Variants in PLA2G6 observed in about 807,000 individuals in gnomAD.
The protein encoded by PLA2G6 is phospholipase A2 group VI, also known as 85/88 kDa calcium-independent phospholipase A2.
A neutral mutation model predicts 83.8 loss-of-function variants in PLA2G6; 62 were observed. The observed-to-expected ratio is 0.74, with a 90% CI of 0.60 to 0.91. The LOEUF is 0.91. Ranked by LOEUF, PLA2G6 falls within the 40% of genes least tolerant of loss-of-function variation. PLA2G6 has a pLI of 0.00. For synonymous variants in PLA2G6, 417 were observed against 449.8 expected, an observed-to-expected ratio of 0.93 and a Z score of 0.92; for missense variants, 944 against 1,102.0, an observed-to-expected ratio of 0.86 and a Z score of 2.03.
intron 10 of PLA2G6, among the ~76,000 whole-genome samples, chr22:38,124,925 G>A (rs1312651672): frequency 6.6e-6 from 1 of 152,196 alleles, no homozygotes; most frequent in East Asian, 1.9e-4. Flanking sequence ...CCCAGAGGGC[G>A]CAGGGCTCTG....
chr22:38,116,996 G>A (rs2087248108), intron 12 of PLA2G6, among the ~76,000 whole-genome samples: 2 of 151,962 alleles, frequency 1.3e-5, no homozygotes, highest in East Asian at 3.9e-4. Flanking sequence ...AACCCCGAGT[G>A]GTCAGTCTCA....
chr22:38,115,966 G>C (rs2087167561), intron 13 of PLA2G6, 109 bp downstream of exon 13: 1 of 1,491,840 alleles, frequency 6.7e-7, no homozygotes, highest in Non-Finnish European at 9.3e-7. Context: ...CAGCGGGTGG[G>C]CTGGTGGCAC....
At position 38,128,484 on chromosome 22, in the gene PLA2G6, A is replaced by G; in HGVS notation, c.1187-54T>C. ...GCACAGGATCAGAAATGATGTCAAC[A>G]TGCAAAGGAGAGGCCCCTCCTTTCC... On this transcript the variant is annotated intron_variant, in intron 8 of 16. Coordinates refer to ENST00000332509, the MANE Select transcript of PLA2G6 (RefSeq NM_003560.4). The surrounding 1 kb of genome is among the most constrained non-coding windows in gnomAD (Gnocchi z 4.4). 6.3e-7 allele frequency: 1 copy of G among 1,590,462 alleles called. No individual in the cohort carries two copies. Among genetic ancestry groups the G allele is most frequent in the South Asian group, 1.1e-5 (1 of 90,106 alleles).
Position 38,132,858 on chromosome 22 carries a change from G to A in PLA2G6, c.1050C>T (p.Gly350=), listed in dbSNP as rs778877518. The change falls in exon 7 of 17, where the codon GGC becomes GGT. Residue 350 remains glycine, a synonymous_variant. Transcript: ENST00000332509. This position sits in a 1 kb window ranked among gnomAD's most constrained non-coding sequence, Gnocchi z 5.0. ...GANADARGEH[G]NTPLHLAMSK... is the part of the protein sequence containing the mutation. ...ACATGGCCAGGTGCAGCGGGGTGTT[G>A]CCGTGCTCTCCGCGGGCATCCGCGT... is the stretch of plus-strand genomic sequence containing the variant. 6.4e-7 allele frequency: 1 copy of A among 1,550,974 alleles called. No homozygotes were observed. Among genetic ancestry groups the A allele is most frequent in the South Asian group, 1.2e-5 (1 of 84,222 alleles).
chr22:38,135,014 G>A lies in PLA2G6; in HGVS notation c.868C>T (p.Pro290Ser), dbSNP rs754964607. 1.9e-6 allele frequency: 3 copies of A among 1,613,462 alleles called. No individual in the cohort carries two copies. The highest frequency in any genetic ancestry group is 1.1e-5 in the South Asian group (1 of 91,076). Residue 290 changes from proline (P) to serine (S), a missense_variant, in exon 6 of 17, where the codon CCC becomes TCC. Transcript: ENST00000332509. ...HSKDPRYGAS[P>S]LHWAKNAEMA... is the part of the protein sequence containing the mutation. ...TCTGCGTTCTTGGCCCAGTGGAGGG[G>A]GCTGGCTCCGTAACGGGGGTCTTTG...
chr22:38,126,733 T>G, intron 9 of PLA2G6: 4 of 471,394 alleles, frequency 8.5e-6, no homozygotes, highest in Non-Finnish European at 7.9e-6. Flanking sequence ...CCTCAATCTC[T>G]TCCTCTTGAA....
Position 38,181,705 on chromosome 22 carries a change from G to T in PLA2G6, c.-87C>A, listed in dbSNP as rs2145986955. The T allele has an allele frequency of 6.6e-6, 1 of 152,372 alleles. No individual in the cohort carries two copies. The highest frequency in any genetic ancestry group is 2.4e-5 in the African/African-American group (1 of 41,574). 9.4% of individuals were successfully genotyped at this position (152,372 alleles called of 1,614,324 possible). A position where few individuals can be genotyped will look rare whatever the true frequency, so the allele number is the denominator to read the frequency against. On this transcript the variant is annotated 5_prime_UTR_variant, in exon 1 of 17. Coordinates refer to ENST00000332509, the MANE Select transcript of PLA2G6 (RefSeq NM_003560.4). ...CGAGGAATATCCAAAGGAGGGTCCG[G>T]CGGAGACTTGGGAGTCCGGAGCGCC...
At chr22:38,139,261 G>C (rs1001563419) in intron 5 of PLA2G6, 1 of 152,228 alleles carries the variant, frequency 6.6e-6, no homozygotes, top group Non-Finnish European at 1.5e-5. Context: ...GGAGGGGCCA[G>C]GTGGGCCTTG....
chr22:38,173,217 C>A (rs2090504281), intron 1 of PLA2G6, among the ~76,000 whole-genome samples: 1 of 152,104 alleles, frequency 6.6e-6, no homozygotes, highest in African/African-American at 2.4e-5. Context: ...GGGCCCCCCG[C>A]ATCATGCCTC....
At chr22:38,167,459 G>A (rs540064203) in intron 2 of PLA2G6, among the ~76,000 whole-genome samples, 20 of 152,242 alleles carry the variant, frequency 1.3e-4, no homozygotes, top group Admixed American at 1.2e-3. Context: ...CCCCAGGGCC[G>A]TGTACCTCAA....
chr22:38,142,594 G>A (rs776543361), intron 4 of PLA2G6: 21 of 204,976 alleles, frequency 1.0e-4, no homozygotes, highest in Admixed American at 1.6e-4. Context: ...ATACATGAAC[G>A]CTAACAACAG....
chr22:38,173,220 C>G (rs939891120), intron 1 of PLA2G6, among the ~76,000 whole-genome samples: 1 of 152,100 alleles, frequency 6.6e-6, no homozygotes, highest in Non-Finnish European at 1.5e-5. Context: ...CCCCCCGCAT[C>G]ATGCCTCACT....
chr22:38,114,498 T>C (rs570713805), intron 14 of PLA2G6, among the ~76,000 whole-genome samples: 1 of 152,304 alleles, frequency 6.6e-6, no homozygotes, highest in Admixed American at 6.5e-5. Context: ...GCCTCTCTTA[T>C]TTGCTTCCGA....
At chr22:38,114,477 G>A (rs1332631419) in intron 14 of PLA2G6, among the ~76,000 whole-genome samples, 6 of 152,302 alleles carry the variant, frequency 3.9e-5, no homozygotes, top group East Asian at 3.9e-4. Context: ...GAGCCGCTGC[G>A]CCCGGCCGCT....
Position 38,111,871 on chromosome 22 carries a change from A to C in PLA2G6, c.*290T>G. The C allele has an allele frequency of 2.1e-6, 1 of 469,284 alleles. No individual in the cohort carries two copies. The highest frequency in any genetic ancestry group is 4.0e-6 in the Non-Finnish European group (1 of 253,104). The allele number at this position is 469,284 out of a possible 1,614,324, so 29.1% of individuals were successfully genotyped here. On this transcript the variant is annotated 3_prime_UTR_variant, in exon 17 of 17. Transcript: ENST00000332509. The stretch of plus-strand genomic sequence containing the variant: ...GGTACGGTTGTGCCCGGGTACCCTT[A>C]ATGTTTGAGCTGATGGGGGAGTCAG...
chr22:38,121,081 G>A (rs1380835412), intron 11 of PLA2G6, 172 bp from the exon 12 acceptor site: 3 of 644,626 alleles, frequency 4.7e-6, no homozygotes, highest in African/African-American at 3.7e-5. Flanking sequence ...GACAGACAGA[G>A]AGAAACCTCC....
At chr22:38,158,534 A>G (rs2089884916) in intron 2 of PLA2G6, among the ~76,000 whole-genome samples, 1 of 152,238 alleles carries the variant, frequency 6.6e-6, no homozygotes, top group African/African-American at 2.4e-5. Context: ...ATTTACATAT[A>G]TCTTGCTTAA....
chr22:38,171,005 T>C (rs548357322), intron 1 of PLA2G6, among the ~76,000 whole-genome samples: 1 of 152,134 alleles, frequency 6.6e-6, no homozygotes, highest in South Asian at 2.1e-4. Context: ...ACCCCGTCTC[T>C]ACTAAAAATA....
Position 38,115,649 on chromosome 22 carries a change from C to A in PLA2G6, c.1912G>T (p.Gly638Trp). Residue 638 changes from glycine (G) to tryptophan (W), a missense_variant, in exon 14 of 17, where the codon GGG becomes TGG. Coordinates refer to ENST00000332509, the MANE Select transcript of PLA2G6 (RefSeq NM_003560.4). Reference sequence around the variant, plus strand: ...GGTCGGAAGTAAGTAGGAGCTGCCCCGCTGCTTCGGGCCGCCCGCCACACC... The same window carrying A: ...GGTCGGAAGTAAGTAGGAGCTGCCCAGCTGCTTCGGGCCGCCCGCCACACC... ...QLVWRAARSSGAAPTYFRPNG... is the reference protein window; with the variant it reads ...QLVWRAARSSWAAPTYFRPNG... The A allele has an allele frequency of 6.3e-7, 1 of 1,580,220 alleles. No individual in the cohort carries two copies. The highest frequency in any genetic ancestry group is 8.6e-7 in the Non-Finnish European group (1 of 1,164,770).
Sources: allele counts gnomAD v4.1 joint callset (sites outside exome capture counted in the v4.1 genomes callset), GRCh38; gene constraint gnomAD v4.1.1; non-coding constraint Gnocchi (gnomAD v3.1); transcripts MANE v1.5; gene names NCBI Gene and HGNC (gene_info 2026-07-23, HGNC 2026-07-21).